Variants in WDFY4 observed in about 807,000 individuals in gnomAD.
WDFY4 encodes WD repeat- and FYVE domain-containing protein 4.
Under a neutral mutation model 351.9 loss-of-function variants are expected in WDFY4, and 169 were observed. That is an observed-to-expected ratio of 0.48 (90% confidence interval 0.42 to 0.55). The LOEUF (loss-of-function observed/expected upper bound fraction) is 0.55, where lower values mean the gene tolerates loss of function less well. Among genes scored for constraint, WDFY4 ranks in the 20% least tolerant of loss-of-function variants. The pLI, the probability that WDFY4 is intolerant of heterozygous loss-of-function variation, is 0.00. For synonymous variants in WDFY4, 1,622 were observed against 1,574.6 expected, an observed-to-expected ratio of 1.03 and a Z score of -0.71; for missense variants, 3,803 against 3,935.6, an observed-to-expected ratio of 0.97 and a Z score of 0.90.
chr10:48,739,017 A>T (rs559086371), intron 11 of WDFY4, among the ~76,000 whole-genome samples: 1 of 152,366 alleles, frequency 6.6e-6, no homozygotes, highest in South Asian at 2.1e-4. Flanking sequence ...TAACTGAGTT[A>T]AAGAATAATG....
At position 48,803,835 on chromosome 10, in the gene WDFY4, C is replaced by T. The variant is rs541757985; in HGVS notation, c.4484+476C>T. ...TCTTACAATTGAAAAGAGCTGATCT[C>T]ATCCTGTAGCTGGGGGAGGCTCACA... On this transcript the variant is annotated intron_variant, in intron 25 of 61. Transcript: ENST00000325239. 5.3e-5 allele frequency among the ~76,000 whole-genome samples: 8 copies of T among 152,316 alleles called. No homozygotes were observed. The East Asian group carries it at 1.5e-3, about 29-fold the overall frequency.
intron 43 of WDFY4, 79 bp from the exon 44 acceptor site, chr10:48,890,500 T>G: frequency 6.6e-7 from 1 of 1,524,698 alleles, no homozygotes; most frequent in Non-Finnish European, 8.9e-7. Flanking sequence ...GGATGGCTGG[T>G]CACTACCCTC....
At chr10:48,758,967 A>C (rs556901724) in intron 12 of WDFY4, among the ~76,000 whole-genome samples, 1 of 152,176 alleles carries the variant, frequency 6.6e-6, no homozygotes, top group South Asian at 2.1e-4. Flanking sequence ...TTCAGGTTGT[A>C]TTCTGGACAT....
At chr10:48,817,100 T>C in intron 31 of WDFY4, 145 bp from the exon 32 acceptor site, 1 of 942,568 alleles carries the variant, frequency 1.1e-6, no homozygotes, top group Non-Finnish European at 1.6e-6. Context: ...TGGACACTAG[T>C]GTCTGGTGCT....
chr10:48,939,468 G>C (rs1050235045), intron 47 of WDFY4, among the ~76,000 whole-genome samples: 1 of 152,202 alleles, frequency 6.6e-6, no homozygotes, highest in African/African-American at 2.4e-5. Context: ...TTTAGATCCA[G>C]GTGTCCCTGA....
intron 39 of WDFY4, among the ~76,000 whole-genome samples, chr10:48,848,376 C>A (rs995147467): frequency 3.9e-5 from 6 of 152,210 alleles, no homozygotes; most frequent in African/African-American, 1.4e-4. Context: ...CTGAGGAGGA[C>A]ACATAATAGA....
intron 47 of WDFY4, chr10:48,910,401 A>G: frequency 2.7e-6 from 2 of 737,468 alleles, no homozygotes; most frequent in South Asian, 3.1e-5. Context: ...GTTTTGTTGT[A>G]TTTGAGGAAA....
chr10:48,750,691 A>G (rs766908279), intron 12 of WDFY4, among the ~76,000 whole-genome samples: 3 of 152,240 alleles, frequency 2.0e-5, no homozygotes, highest in Non-Finnish European at 4.4e-5. Flanking sequence ...ACTTGAGCAT[A>G]TCTGAAACCA....
intron 57 of WDFY4, among the ~76,000 whole-genome samples, chr10:48,974,539 A>AAACAACT (rs1345912277): frequency 5.5e-5 from 1 of 18,328 alleles, no homozygotes; most frequent in Non-Finnish European, 1.4e-4. Flanking sequence ...ACAACTCATG[A>AAACAACT]CATGAACTGC....
Position 48,727,660 on chromosome 10 carries a change from G to T in WDFY4, c.971+1G>T. On this transcript the variant is annotated splice_donor_variant, in intron 7 of 61. Coordinates refer to ENST00000325239, the MANE Select transcript of WDFY4 (RefSeq NM_001394531.1). LOFTEE classifies it high-confidence loss of function. ...CTCTGCTGCTCAAAGTGTTACTTCG[G>T]TAAGTGGCTGTGTTTGGTACGGGGA... The T allele has an allele frequency of 6.4e-7, 1 of 1,551,896 alleles. No homozygotes were observed. The highest frequency in any genetic ancestry group is 8.7e-7 in the Non-Finnish European group (1 of 1,146,976).
At chr10:48,955,559 A>C (rs1228289401) in intron 51 of WDFY4, among the ~76,000 whole-genome samples, 1 of 152,218 alleles carries the variant, frequency 6.6e-6, no homozygotes, top group Admixed American at 6.5e-5. Flanking sequence ...CGCCCTGTGG[A>C]GTTGCATCCA....
chr10:48,729,734 T>A, intron 8 of WDFY4, 145 bp downstream of exon 8: 1 of 1,092,150 alleles, frequency 9.2e-7, no homozygotes, highest in Non-Finnish European at 1.3e-6. Flanking sequence ...AGGTTATGAA[T>A]ATCTCCCATG....
Position 48,721,259 on chromosome 10 carries a change from A to C in WDFY4, c.350-2A>C. On this transcript the variant is annotated splice_acceptor_variant, in intron 3 of 61. Coordinates refer to ENST00000325239, the MANE Select transcript of WDFY4 (RefSeq NM_001394531.1). LOFTEE classifies it high-confidence loss of function. ...TGCCCTGCTGGTGACACTTTCTTCC[A>C]GAGCAAGCTCGGTTGGCAGCTGGAC... The C allele has an allele frequency of 6.4e-7, 1 of 1,551,648 alleles. No individual in the cohort carries two copies. Among genetic ancestry groups the C allele is most frequent in the Non-Finnish European group, 8.7e-7 (1 of 1,146,948 alleles).
intron 1 of WDFY4, among the ~76,000 whole-genome samples, chr10:48,702,691 T>C (rs2063513532): frequency 6.6e-6 from 1 of 152,242 alleles, no homozygotes; most frequent in Admixed American, 6.5e-5. Context: ...GAACAGAGCT[T>C]CTAGAAACAT....
intron 45 of WDFY4, among the ~76,000 whole-genome samples, chr10:48,898,405 C>T (rs1306950997): frequency 1.3e-5 from 2 of 152,126 alleles, no homozygotes; most frequent in African/African-American, 4.8e-5. Context: ...ATCCTAGGGA[C>T]CACGTAACAG....
chr10:48,737,035 C>A (rs1368640036), intron 11 of WDFY4, among the ~76,000 whole-genome samples: 2 of 152,210 alleles, frequency 1.3e-5, no homozygotes, highest in Non-Finnish European at 2.9e-5. Context: ...TTACAACTTT[C>A]ACAGTTTTGT....
chr10:48,805,075 G>C (rs567841448), intron 25 of WDFY4, among the ~76,000 whole-genome samples, 185 bp from the exon 26 acceptor site: 3 of 152,126 alleles, frequency 2.0e-5, no homozygotes, highest in Admixed American at 6.6e-5. Flanking sequence ...ACACCCGAGC[G>C]ACTCTGGCAC....
rs1351655869 is a variant in WDFY4, at chr10:48,684,883, G to A, written c.-136G>A. On this transcript the variant is annotated 5_prime_UTR_variant, in exon 1 of 62. Transcript: ENST00000325239. ...CAGCTCCAGTGATTCAGAGTGAAAC[G>A]GCGCTGAGGACTGACGATGTGGGGC... 5 of 152,326 alleles carry A rather than the reference G, an allele frequency of 3.3e-5. No individual in the cohort carries two copies. Among genetic ancestry groups the A allele is most frequent in the South Asian group, 2.1e-4 (1 of 4,840 alleles). The allele number at this position is 152,326 out of a possible 1,614,324, so 9.4% of individuals were successfully genotyped here.
At chr10:48,913,769 G>A (rs775321236) in intron 47 of WDFY4, 13 of 1,614,114 alleles carry the variant, frequency 8.1e-6, no homozygotes, top group Non-Finnish European at 1.0e-5. Flanking sequence ...GGTGGTTCAA[G>A]CCTAGGTTCA....
Sources: allele counts gnomAD v4.1 joint callset (sites outside exome capture counted in the v4.1 genomes callset), GRCh38; gene constraint gnomAD v4.1.1; transcripts MANE v1.5; gene names NCBI Gene and HGNC (gene_info 2026-07-23, HGNC 2026-07-21).